COL4A4: variants seen among roughly 807,000 people sequenced by gnomAD.
COL4A4 encodes collagen alpha-4(IV) chain.
COL4A4 carries 105 observed loss-of-function variants against 192.9 expected under a neutral mutation model. The ratio of observed to expected loss-of-function variants is 0.54; its 90% CI spans 0.46 to 0.64. COL4A4 has a LOEUF of 0.64. Ranked by LOEUF, COL4A4 falls within the 30% of genes least tolerant of loss-of-function variation. COL4A4 has a pLI of 0.00. For missense variants in COL4A4, 1,967 were observed against 2,169.3 expected (o/e 0.91, Z 1.85); for synonymous variants, 762 against 769.9 (o/e 0.99, Z 0.17).
chr2:227,068,767 A>G (rs2058516954), intron 25 of COL4A4, among the ~76,000 whole-genome samples: 1 of 148,990 alleles, frequency 6.7e-6, no homozygotes, highest in Non-Finnish European at 1.5e-5. Flanking sequence ...ATCATACTGA[A>G]TGGGCAAAAA....
intron 8 of COL4A4, among the ~76,000 whole-genome samples, chr2:227,112,122 C>T (rs1271859914): frequency 6.6e-6 from 1 of 152,188 alleles, no homozygotes; most frequent in Admixed American, 6.5e-5. Flanking sequence ...TGGAAATTGC[C>T]TCACACCAGC....
chr2:227,125,197 T>C (rs543811714), intron 4 of COL4A4, among the ~76,000 whole-genome samples: 1 of 152,162 alleles, frequency 6.6e-6, no homozygotes, highest in Admixed American at 6.5e-5. Flanking sequence ...CCATATAAAA[T>C]ACTTTATTTT....
In COL4A4 at chr2:227,023,782, G is replaced by A. The variant is rs12478267; in HGVS notation, c.4091-1609C>T. Among the ~76,000 whole-genome samples the A allele has an allele frequency of 4.3e-3, 660 of 152,288 alleles. 22 individuals carry two copies. The highest frequency in any genetic ancestry group is 0.04 in the Admixed American group (610 of 15,286). ...TAATTCCAGCACTTTGGGAGGCCAAGATGGACAGATCACGAGGTCAAGAGA... is the reference window on the plus strand; with the variant it reads ...TAATTCCAGCACTTTGGGAGGCCAAAATGGACAGATCACGAGGTCAAGAGA... On this transcript the variant is annotated intron_variant, in intron 43 of 47. Transcript: ENST00000396625.
chr2:226,988,203 C>T, the COL4A4 span: 2 of 802,734 alleles, frequency 2.5e-6, no homozygotes, highest in East Asian at 5.6e-5. Context: ...TTAAAACTTA[C>T]CCAAAGACAG....
At chr2:226,995,777 G>A in the COL4A4 span, 18 of 478,488 alleles carry the variant, frequency 3.8e-5, no homozygotes, top group South Asian at 1.4e-4. Flanking sequence ...CAGTTTCCAC[G>A]CTCCCATCTC....
chr2:227,155,997 C>T (rs1406524136), intron 1 of COL4A4, among the ~76,000 whole-genome samples: 1 of 151,926 alleles, frequency 6.6e-6, no homozygotes, highest in African/African-American at 2.4e-5. Context: ...GTGCCTACCG[C>T]AATGCCTGGC....
Position 227,003,901 on chromosome 2 carries a change from CAAT to C in COL4A4, c.*3421_*3423del, listed in dbSNP as rs1452640757. ...GAAAGCTTATCAATTGGCTTTCTGG[CAAT>C]AATTGTAACAAGAGAATGTGGGTAT... On this transcript the variant is annotated 3_prime_UTR_variant, in exon 48 of 48. Transcript: ENST00000396625. 6.6e-6 allele frequency: 1 copy of C among 151,940 alleles called. No individual in the cohort carries two copies. Among genetic ancestry groups the C allele is most frequent in the Non-Finnish European group, 1.5e-5 (1 of 67,978 alleles). The allele number at this position is 151,940 out of a possible 1,614,324, so 9.4% of individuals were successfully genotyped here.
intron 37 of COL4A4, among the ~76,000 whole-genome samples, chr2:227,041,848 G>GAAAGAGAAAGAAAGAGAAAGAAAGAA (rs1243663359): frequency 1.3e-4 from 5 of 38,692 alleles, no homozygotes; most frequent in African/African-American, 3.7e-4. Context: ...AAGAAAGAAA[G>GAAAGAGAAAGAAAGAGAAAGAAAGAA]AGAAAGAAAG....
chr2:227,152,544 G>A (rs2064022740), intron 1 of COL4A4, among the ~76,000 whole-genome samples: 1 of 152,186 alleles, frequency 6.6e-6, no homozygotes, highest in African/African-American at 2.4e-5. Flanking sequence ...AGACTTTTAT[G>A]ACTGTTCTCC....
intron 8 of COL4A4, 139 bp downstream of exon 8, chr2:227,114,489 A>G: frequency 2.6e-6 from 2 of 766,906 alleles, no homozygotes; most frequent in East Asian, 5.1e-5. Flanking sequence ...GCATGATGCC[A>G]TCCCTGAGGG....
At chr2:227,000,442 A>G (rs1053922331), downstream of COL4A4, among the ~76,000 whole-genome samples, 1 of 152,200 alleles carries the variant, frequency 6.6e-6, no homozygotes, top group African/African-American at 2.4e-5. Flanking sequence ...AATTTTCCCT[A>G]CTTTTATCAA....
chr2:227,011,315 A>G (rs1353924213), intron 45 of COL4A4, among the ~76,000 whole-genome samples: 3 of 152,334 alleles, frequency 2.0e-5, no homozygotes, highest in East Asian at 1.9e-4. Flanking sequence ...AGAGACGACA[A>G]AGTGGTAGCC....
In COL4A4 at chr2:227,041,856, A is replaced by AG. The variant is rs1559478390; in HGVS notation, c.3505+291_3505+292insC. On this transcript the variant is annotated intron_variant, in intron 37 of 47. Coordinates refer to ENST00000396625, the MANE Select transcript of COL4A4 (RefSeq NM_000092.5). ...AGAAAGAAAGAAAGAAAGAGAAAGA[A>AG]AGAAAGAAAGAAAGAAAGAAAGAAA... Among the ~76,000 whole-genome samples the AG allele has an allele frequency of 7.6e-4, 74 of 97,032 alleles. 2 individuals carry two copies. The highest frequency in any genetic ancestry group is 2.3e-3 in the African/African-American group (48 of 20,716). 63.7% of individuals were successfully genotyped at this position (97,032 alleles called of 152,430 possible).
intron 12 of COL4A4, among the ~76,000 whole-genome samples, chr2:227,106,085 G>A (rs536324681): frequency 6.7e-6 from 1 of 149,226 alleles, no homozygotes; most frequent in South Asian, 2.1e-4. Context: ...CTAAACCTGG[G>A]AAATTGAAGA....
intron 7 of COL4A4, among the ~76,000 whole-genome samples, chr2:227,115,507 C>T (rs1316414756): frequency 6.6e-6 from 1 of 151,908 alleles, no homozygotes; most frequent in Non-Finnish European, 1.5e-5. Flanking sequence ...CTCCTGACCT[C>T]GTGATCCACC....
intron 4 of COL4A4, among the ~76,000 whole-genome samples, chr2:227,122,538 T>C (rs2061853213): frequency 6.6e-6 from 1 of 152,086 alleles, no homozygotes; most frequent in South Asian, 2.1e-4. Context: ...CTGAGCAAAA[T>C]ATTTCTTGCA....
At chr2:227,098,977 GA>G (rs113389662) in intron 18 of COL4A4, among the ~76,000 whole-genome samples, 179 bp from the exon 19 acceptor site, 2 of 152,210 alleles carry the variant, frequency 1.3e-5, no homozygotes, top group African/African-American at 4.8e-5. Context: ...CTCTTCCTCA[GA>G]CACGTGAACT....
chr2:226,992,747 G>T, the COL4A4 span, among the ~76,000 whole-genome samples: 27 of 152,206 alleles, frequency 1.8e-4, no homozygotes, highest in Non-Finnish European at 3.7e-4. Flanking sequence ...GGCAGGAAGG[G>T]CGGGAATGGT....
At chr2:226,987,265 C>T in the COL4A4 span, among the ~76,000 whole-genome samples, 1 of 151,976 alleles carries the variant, frequency 6.6e-6, no homozygotes, top group African/African-American at 2.4e-5. Context: ...ATGGGTGCAG[C>T]AAACCACCAT....
Sources: allele counts gnomAD v4.1 joint callset (sites outside exome capture counted in the v4.1 genomes callset), GRCh38; gene constraint gnomAD v4.1.1; transcripts MANE v1.5; gene names NCBI Gene and HGNC (gene_info 2026-07-23, HGNC 2026-07-21).